The following AMN1 variants were observed in gnomAD, a reference collection of about 807,000 sequenced individuals.
AMN1 encodes antagonist of mitotic exit network 1 homolog.
In AMN1, 20 loss-of-function variants were observed where a neutral mutation model predicts 33.0. The observed-to-expected ratio is 0.61, with a 90% confidence interval of 0.43 to 0.88. The LOEUF (loss-of-function observed/expected upper bound fraction) is 0.88. Ranked by LOEUF, AMN1 falls within the 40% of genes least tolerant of loss-of-function variation. The pLI, the probability that AMN1 is intolerant of heterozygous loss-of-function variation, is 0.00. For synonymous variants in AMN1, 114 were observed against 111.9 expected (o/e 1.02, Z -0.12); for missense variants, 246 against 307.4 (o/e 0.80, Z 1.49).
At chr12:31,698,561 G>A (rs1002742154) in intron 3 of AMN1, among the ~76,000 whole-genome samples, 1 of 152,174 alleles carries the variant, frequency 6.6e-6, no homozygotes, top group African/African-American at 2.4e-5. Flanking sequence ...GCTGATATAA[G>A]TGCCCATTGG....
In AMN1 at chr12:31,679,595, C is replaced by T. The variant is rs545747576; in HGVS notation, c.704-7218G>A. ...CCTCAGATAAGATTAAAATTCAAGTCGACTAAATTGAAAGCGGCAGATTTC... is the reference window on the plus strand; with the variant it reads ...CCTCAGATAAGATTAAAATTCAAGTTGACTAAATTGAAAGCGGCAGATTTC... On this transcript the variant is annotated intron_variant, in intron 6 of 6. Coordinates refer to ENST00000281471, the MANE Select transcript of AMN1 (RefSeq NM_001113402.2). Among the ~76,000 whole-genome samples, 47 of 152,210 alleles carry T rather than the reference C, an allele frequency of 3.1e-4. 1 individual carries two copies. In the South Asian group the frequency reaches 9.3e-3, roughly 30 times the overall value.
intron 6 of AMN1, among the ~76,000 whole-genome samples, chr12:31,673,395 G>A (rs1951321954): frequency 6.6e-6 from 1 of 152,058 alleles, no homozygotes; most frequent in Non-Finnish European, 1.5e-5. Context: ...TATTATCATT[G>A]GGAAAACAAA....
At chr12:31,728,879 G>GGA in intron 1 of AMN1, 92 bp downstream of exon 1, 3 of 1,353,244 alleles carry the variant, frequency 2.2e-6, no homozygotes, top group Non-Finnish European at 3.0e-6. Flanking sequence ...GGGGGGGTGG[G>GGA]AAAGGGGCGG....
chr12:31,672,287 T>C lies in AMN1; in HGVS notation c.*17A>G. The C allele has an allele frequency of 6.4e-7, 1 of 1,552,838 alleles. No individual in the cohort carries two copies. The highest frequency in any genetic ancestry group is 1.2e-5 in the South Asian group (1 of 84,642). On this transcript the variant is annotated 3_prime_UTR_variant, in exon 7 of 7. Coordinates refer to ENST00000281471, the MANE Select transcript of AMN1 (RefSeq NM_001113402.2). ...TTTTGATAAGCTTTCCTAGCATTGA[T>C]CATCTTCAAAAAAGCATCAATAAAC...
At chr12:31,688,907 A>C in intron 6 of AMN1, 100 bp downstream of exon 6, 3 of 651,206 alleles carry the variant, frequency 4.6e-6, no homozygotes, top group Non-Finnish European at 7.9e-6. Flanking sequence ...TGTTTTACAG[A>C]TGAGGAAACT....
At chr12:31,727,459 C>A (rs939095458) in intron 1 of AMN1, among the ~76,000 whole-genome samples, 33 of 152,208 alleles carry the variant, frequency 2.2e-4, no homozygotes, top group African/African-American at 8.0e-4. Context: ...GGCTTTATGT[C>A]TCACTACTGT....
At chr12:31,706,108 C>A (rs778512791) in intron 2 of AMN1, among the ~76,000 whole-genome samples, 4 of 151,878 alleles carry the variant, frequency 2.6e-5, no homozygotes, top group African/African-American at 4.8e-5. Context: ...GTCAGGAGAT[C>A]GAGACCATCC....
rs74085162 is a variant in AMN1 at position 31,702,373 on chromosome 12, A to G, written c.172-366T>C. ...CTATGGGCCTCTGTGCTTAGGAAGTATGAGTCTTTAATCACTTGTGTACCA... is the reference window on the plus strand; with the variant it reads ...CTATGGGCCTCTGTGCTTAGGAAGTGTGAGTCTTTAATCACTTGTGTACCA... On this transcript the variant is annotated intron_variant, in intron 2 of 6. Coordinates refer to ENST00000281471, the MANE Select transcript of AMN1 (RefSeq NM_001113402.2). Among the ~76,000 whole-genome samples, 1,273 of 152,342 alleles carry G rather than the reference A, an allele frequency of 8.4e-3. 18 individuals are homozygous for G. Among genetic ancestry groups the G allele is most frequent in the African/African-American group, 0.029 (1,200 of 41,572 alleles).
At chr12:31,681,000 C>T (rs1056185582) in intron 6 of AMN1, among the ~76,000 whole-genome samples, 1 of 152,112 alleles carries the variant, frequency 6.6e-6, no homozygotes, top group Non-Finnish European at 1.5e-5. Flanking sequence ...TGTTAGCCCA[C>T]TTTACTTCCA....
intron 6 of AMN1, among the ~76,000 whole-genome samples, chr12:31,679,907 C>T (rs1271890427): frequency 1.3e-5 from 2 of 151,870 alleles, no homozygotes; most frequent in Non-Finnish European, 2.9e-5. Context: ...GGCAGATCAC[C>T]TGAGGTCAGG....
chr12:31,722,004 G>A (rs544169992), intron 1 of AMN1, among the ~76,000 whole-genome samples: 173 of 152,238 alleles, frequency 1.1e-3, no homozygotes, highest in African/African-American at 4.0e-3. Context: ...TGTATCTGAC[G>A]CTACCATTGC....
At chr12:31,694,856 C>G (rs933605743) in intron 5 of AMN1, among the ~76,000 whole-genome samples, 1 of 151,956 alleles carries the variant, frequency 6.6e-6, no homozygotes, top group African/African-American at 2.4e-5. Flanking sequence ...ATAGTTCTAG[C>G]ACTTTAGGAA....
intron 1 of AMN1, among the ~76,000 whole-genome samples, chr12:31,718,812 T>C (rs1939775367): frequency 6.6e-6 from 1 of 152,236 alleles, no homozygotes; most frequent in African/African-American, 2.4e-5. Flanking sequence ...CTTGCTGAGC[T>C]GTAGTGGGCT....
At chr12:31,728,156 G>A (rs796774062) in intron 1 of AMN1, among the ~76,000 whole-genome samples, 36 of 152,240 alleles carry the variant, frequency 2.4e-4, no homozygotes, top group African/African-American at 8.4e-4. Flanking sequence ...CATTGTTTCA[G>A]AAAGCCTTCA....
chr12:31,724,336 G>C (rs945265388), intron 1 of AMN1, among the ~76,000 whole-genome samples: 1 of 152,202 alleles, frequency 6.6e-6, no homozygotes, highest in Non-Finnish European at 1.5e-5. Flanking sequence ...TCAGGGTTAT[G>C]TGAATGCAGT....
intron 3 of AMN1, among the ~76,000 whole-genome samples, chr12:31,699,277 G>T (rs1025483455): frequency 6.0e-5 from 9 of 150,786 alleles, no homozygotes; most frequent in African/African-American, 2.2e-4. Flanking sequence ...TGTAATCCCA[G>T]CTACTCCGGA....
chr12:31,716,233 T>A (rs1370861373), intron 1 of AMN1, among the ~76,000 whole-genome samples: 3 of 152,214 alleles, frequency 2.0e-5, no homozygotes, highest in Non-Finnish European at 4.4e-5. Context: ...CGTATAATAT[T>A]CTGTTGTTTG....
In AMN1 at chr12:31,693,125, G is replaced by A. The variant is rs552337791; in HGVS notation, c.592-4007C>T. On this transcript the variant is annotated intron_variant, in intron 5 of 6. Transcript: ENST00000281471. ...ACTCTGTTCCCCAAGCTGGAGTGCA[G>A]TAGTGCAAACACAGTTCACCGTAGC... Among the ~76,000 whole-genome samples the A allele has an allele frequency of 1.6e-4, 25 of 152,224 alleles. No homozygotes were observed. In the East Asian group the frequency reaches 4.4e-3, roughly 27 times the overall value.
At chr12:31,711,741 TA>T (rs1461141707) in intron 1 of AMN1, among the ~76,000 whole-genome samples, 1 of 152,196 alleles carries the variant, frequency 6.6e-6, no homozygotes, top group Non-Finnish European at 1.5e-5. Flanking sequence ...TATTCTCTTC[TA>T]ACCATTTTGA....
Sources: allele counts gnomAD v4.1 joint callset (sites outside exome capture counted in the v4.1 genomes callset), GRCh38; gene constraint gnomAD v4.1.1; transcripts MANE v1.5; gene names NCBI Gene and HGNC (gene_info 2026-07-23, HGNC 2026-07-21).